Variants in PPP1R26 observed in about 807,000 individuals in gnomAD.
The protein encoded by PPP1R26 is 1A6/DRIM (down-regulated in metastasis) interacting protein.
A neutral mutation model predicts 67.6 loss-of-function variants in PPP1R26; 22 were observed. That is an observed-to-expected ratio of 0.33 (90% CI 0.23 to 0.46). PPP1R26 has a LOEUF of 0.46. Among genes scored for constraint, PPP1R26 ranks in the 20% least tolerant of loss-of-function variants. The probability of loss-of-function intolerance (pLI) is 1.00; values close to 1 mark genes in which losing one functional copy is unlikely to be tolerated. For synonymous variants in PPP1R26, 729 were observed against 717.2 expected, an observed-to-expected ratio of 1.02 and a Z score of -0.26; for missense variants, 1,602 against 1,651.4, an observed-to-expected ratio of 0.97 and a Z score of 0.52.
At position 135,486,843 on chromosome 9, in the gene PPP1R26, A is replaced by G. The variant is rs1166197653; in HGVS notation, c.2333A>G (p.Glu778Gly). The stretch of plus-strand genomic sequence containing the variant: ...CCCAGTGTCTTTGGCAGCACGGCAG[A>G]GAGGATGAGGCAGGAGGGTGCCGCG... ...KPPSVFGSTA[E>G]RMRQEGAASQ... The change falls in exon 4 of 4, where the codon GAG (glutamate) becomes GGG (glycine). Residue 778 changes from glutamate to glycine, a missense_variant. Coordinates refer to ENST00000356818, the MANE Select transcript of PPP1R26 (RefSeq NM_014811.5). The surrounding 1 kb of genome is among the most constrained non-coding windows in gnomAD (Gnocchi z 6.2). The G allele has an allele frequency of 1.2e-6, 2 of 1,611,558 alleles. No individual in the cohort carries two copies. The highest frequency in any genetic ancestry group is 3.3e-5 in the Admixed American group (2 of 59,798).
chr9:135,488,127 T>C lies in PPP1R26; in HGVS notation c.3617T>C (p.Val1206Ala). 1 of 1,521,248 alleles carries C rather than the reference T, an allele frequency of 6.6e-7. No homozygotes were observed. 94.2% of individuals were successfully genotyped at this position (1,521,248 alleles called of 1,614,324 possible). A position where few individuals can be genotyped will look rare whatever the true frequency, so the allele number is the denominator to read the frequency against. Residue 1206 changes from valine (V) to alanine (A), a missense_variant, in exon 4 of 4, where the codon GTA (valine) becomes GCA (alanine). Transcript: ENST00000356818. Reference protein sequence around the residue: ...TSTEDSGGSSVVKV With the variant: ...TSTEDSGGSSAVKV ...ACGGAGGACAGTGGCGGCAGCTCAG[T>C]AGTGAAGGTCTAAGCCCTCGAGCTG...
At chr9:135,481,898 C>T (rs537561180) in intron 1 of PPP1R26, among the ~76,000 whole-genome samples, 16 of 152,296 alleles carry the variant, frequency 1.1e-4, no homozygotes, top group Admixed American at 2.0e-4. Context: ...GGATTACAGG[C>T]GTCAGCCACT....
chr9:135,486,219 G>C lies in PPP1R26; in HGVS notation c.1709G>C (p.Gly570Ala), dbSNP rs1166134858. 6.2e-6 allele frequency: 10 copies of C among 1,612,958 alleles called. No individual in the cohort carries two copies. The highest frequency in any genetic ancestry group is 7.6e-6 in the Non-Finnish European group (9 of 1,180,022). The change falls in exon 4 of 4, where the codon GGC (glycine) becomes GCC (alanine). Residue 570 changes from glycine (G) to alanine (A), a missense_variant. Gly to Ala is a moderately conservative substitution (Grantham distance 60, BLOSUM62 0). Around this residue, in one of 5 missense-constraint regions of PPP1R26, gnomAD observed 680 missense variants for 726.1 expected, o/e 0.94. Transcript: ENST00000356818. The surrounding 1 kb of genome is among the most constrained non-coding windows in gnomAD (Gnocchi z 6.2). ...QAAQGPLLPP[G>A]LNSQTGGHKT... is the part of the protein sequence containing the mutation. ...GCCCAGGGTCCACTTTTGCCGCCTGGCCTCAACAGCCAGACCGGCGGCCAC... is the reference window on the plus strand; with the variant it reads ...GCCCAGGGTCCACTTTTGCCGCCTGCCCTCAACAGCCAGACCGGCGGCCAC...
Position 135,486,077 on chromosome 9 carries a change from G to A in PPP1R26, c.1567G>A (p.Gly523Ser), listed in dbSNP as rs114808642. 315 of 1,613,038 alleles carry A rather than the reference G, an allele frequency of 2.0e-4. No individual in the cohort carries two copies. The African/African-American group carries it at 2.8e-3, about 15-fold the overall frequency. The change falls in exon 4 of 4, where the codon GGC becomes AGC. Residue 523 changes from glycine to serine, a missense_variant. Around this residue, in one of 5 missense-constraint regions of PPP1R26, gnomAD observed 680 missense variants for 726.1 expected, o/e 0.94. Transcript: ENST00000356818. This position sits in a 1 kb window ranked among gnomAD's most constrained non-coding sequence, Gnocchi z 6.2. The part of the protein sequence containing the change: ...YSPNVPSRSD[G>S]DSSSVDSDDS... ...CCCGAACGTGCCTTCCCGCTCTGAC[G>A]GCGACAGTAGCTCCGTGGACAGCGA... is the stretch of plus-strand genomic sequence containing the variant.
chr9:135,483,639 C>T, intron 2 of PPP1R26: 1 of 213,072 alleles, frequency 4.7e-6, no homozygotes. Context: ...ACCTGAGCTT[C>T]CTCCCTGCAG....
At position 135,479,887 on chromosome 9, in the gene PPP1R26, C is replaced by T. The variant is rs940762074; in HGVS notation, c.-464C>T. The T allele has an allele frequency of 5.5e-5, 8 of 144,406 alleles. No individual in the cohort carries two copies. Among genetic ancestry groups the T allele is most frequent in the Non-Finnish European group, 1.2e-4 (8 of 65,076 alleles). The allele number at this position is 144,406 out of a possible 1,614,324, so 8.9% of individuals were successfully genotyped here. Reference sequence around the variant, plus strand: ...GCCCGGCCGGACGCCCCTGCGCCCCCTCCCCGCGCCCCGGCCGAGGGCGGA... The same window carrying T: ...GCCCGGCCGGACGCCCCTGCGCCCCTTCCCCGCGCCCCGGCCGAGGGCGGA... On this transcript the variant is annotated 5_prime_UTR_variant, in exon 1 of 4. Transcript: ENST00000356818. This position sits in a 1 kb window ranked among gnomAD's most constrained non-coding sequence, Gnocchi z 5.9.
chr9:135,488,490 T>C lies in PPP1R26; in HGVS notation c.*350T>C, dbSNP rs1830850304. ...ATCACAGCCAGGTTCACAGAGGCTCTGATGCTTTTTGGTTGATTGCTGGTG... is the reference window on the plus strand; with the variant it reads ...ATCACAGCCAGGTTCACAGAGGCTCCGATGCTTTTTGGTTGATTGCTGGTG... On this transcript the variant is annotated 3_prime_UTR_variant, in exon 4 of 4. Coordinates refer to ENST00000356818, the MANE Select transcript of PPP1R26 (RefSeq NM_014811.5). 1.1e-5 allele frequency: 2 copies of C among 184,982 alleles called. No homozygotes were observed. Among genetic ancestry groups the C allele is most frequent in the African/African-American group, 4.8e-5 (2 of 42,046 alleles). 11.5% of individuals were successfully genotyped at this position (184,982 alleles called of 1,614,324 possible).
chr9:135,486,125 C>A lies in PPP1R26; in HGVS notation c.1615C>A (p.Arg539=). 6.2e-7 allele frequency: 1 copy of A among 1,612,924 alleles called. No homozygotes were observed. The highest frequency in any genetic ancestry group is 1.1e-5 in the South Asian group (1 of 91,068). ...CGATGACAGCATCGAGCAGGAAATC[C>A]GGACATTTTTGGCCCTAAAGGCGCA... The part of the protein sequence containing the change: ...DSDDSIEQEI[R]TFLALKAQSG... The change falls in exon 4 of 4, where the codon CGG becomes AGG. Residue 539 remains arginine, a synonymous_variant. Transcript: ENST00000356818. The surrounding 1 kb of genome is among the most constrained non-coding windows in gnomAD (Gnocchi z 6.2).
At position 135,488,464 on chromosome 9, in the gene PPP1R26, C is replaced by T. The variant is rs1348586053; in HGVS notation, c.*324C>T. On this transcript the variant is annotated 3_prime_UTR_variant, in exon 4 of 4. Coordinates refer to ENST00000356818, the MANE Select transcript of PPP1R26 (RefSeq NM_014811.5). ...AGCTTAGGAAACATTTGGTTCTTACCATCACAGCCAGGTTCACAGAGGCTC... is the reference window on the plus strand; with the variant it reads ...AGCTTAGGAAACATTTGGTTCTTACTATCACAGCCAGGTTCACAGAGGCTC... The T allele has an allele frequency of 4.8e-6, 1 of 209,556 alleles. No individual in the cohort carries two copies. Among genetic ancestry groups the T allele is most frequent in the African/African-American group, 2.3e-5 (1 of 42,798 alleles). The allele number at this position is 209,556 out of a possible 1,614,324, so 13.0% of individuals were successfully genotyped here.
At position 135,487,702 on chromosome 9, in the gene PPP1R26, G is replaced by A; in HGVS notation, c.3192G>A (p.Glu1064=). ...GVGSERDKGS[E]GPARGLPSLP... ...GGAGCGAGAGAGACAAGGGGTCCGA[G>A]GGCCCCGCCCGGGGCCTGCCCAGCC... Residue 1064 remains glutamate, a synonymous_variant, in exon 4 of 4, where the codon GAG becomes GAA. Coordinates refer to ENST00000356818, the MANE Select transcript of PPP1R26 (RefSeq NM_014811.5). 2.8e-6 allele frequency: 4 copies of A among 1,451,874 alleles called. No individual in the cohort carries two copies. The South Asian group carries it at 4.4e-5, about 16-fold the overall frequency. The allele number at this position is 1,451,874 out of a possible 1,614,324, so 89.9% of individuals were successfully genotyped here.
chr9:135,483,919 G>A, intron 2 of PPP1R26, 31 bp from the exon 3 acceptor site: 1 of 398,816 alleles, frequency 2.5e-6, no homozygotes. Flanking sequence ...TAATTTCTGA[G>A]TGGCTCACAT....
At chr9:135,483,645 T>C (rs964624336) in intron 2 of PPP1R26, 13 of 218,154 alleles carry the variant, frequency 6.0e-5, no homozygotes, top group African/African-American at 3.0e-4. Flanking sequence ...GCTTCCTCCC[T>C]GCAGTGGCAA....
intron 1 of PPP1R26, among the ~76,000 whole-genome samples, chr9:135,481,567 C>G (rs575927316): frequency 1.1e-4 from 17 of 151,074 alleles, no homozygotes; most frequent in Non-Finnish European, 2.5e-4. Context: ...AATGATTCAT[C>G]TCGCATAATG....
Position 135,485,862 on chromosome 9 carries a change from A to T in PPP1R26, c.1352A>T (p.Lys451Met). 6.2e-7 allele frequency: 1 copy of T among 1,613,432 alleles called. No homozygotes were observed. The highest frequency in any genetic ancestry group is 8.5e-7 in the Non-Finnish European group (1 of 1,180,022). ...LDTDHAPKLLKETKAPPPASP... is the reference protein window; with the variant it reads ...LDTDHAPKLLMETKAPPPASP... ...ACTGACCATGCCCCCAAGCTCCTGA[A>T]GGAAACCAAAGCTCCACCTCCAGCG... Residue 451 changes from lysine to methionine, a missense_variant, in exon 4 of 4, where the codon AAG becomes ATG. Lys to Met is a moderately conservative substitution (Grantham distance 95). Transcript: ENST00000356818. The surrounding 1 kb of genome is among the most constrained non-coding windows in gnomAD (Gnocchi z 7.2).
chr9:135,479,317 C>G (rs1324479905), upstream of PPP1R26, among the ~76,000 whole-genome samples: 1 of 151,852 alleles, frequency 6.6e-6, no homozygotes, highest in East Asian at 2.0e-4. This position sits in a 1 kb window ranked among gnomAD's most constrained non-coding sequence, Gnocchi z 5.9. Context: ...GCCCGGAGCC[C>G]CGCGTGAACT....
rs527569082 is a variant in PPP1R26 at position 135,482,759 on chromosome 9, G to T, written c.-252G>T. Reference sequence around the variant, plus strand: ...GTGATGAGGACCTGATCTCTGGGCCGTGTGGGAACACTGGCTGCCATTTCA... The same window carrying T: ...GTGATGAGGACCTGATCTCTGGGCCTTGTGGGAACACTGGCTGCCATTTCA... On this transcript the variant is annotated 5_prime_UTR_variant, in exon 2 of 4. Coordinates refer to ENST00000356818, the MANE Select transcript of PPP1R26 (RefSeq NM_014811.5). The T allele has an allele frequency of 5.0e-6, 2 of 398,590 alleles. No homozygotes were observed. Among genetic ancestry groups the T allele is most frequent in the Non-Finnish European group, 8.8e-6 (2 of 226,056 alleles). 24.7% of individuals were successfully genotyped at this position (398,590 alleles called of 1,614,324 possible).
At position 135,485,385 on chromosome 9, in the gene PPP1R26, C is replaced by T. The variant is rs772467513; in HGVS notation, c.875C>T (p.Pro292Leu). 1.9e-6 allele frequency: 3 copies of T among 1,612,904 alleles called. No individual in the cohort carries two copies. In the East Asian group the frequency reaches 6.7e-5, roughly 36 times the overall value. ...CAGAAGGAGTTTGCCTTCCGCAAAC[C>T]TCCCCGGTTAGCGAAGATGAACGTC... ...GVQKEFAFRK[P>L]PRLAKMNVQP... Residue 292 changes from proline (P) to leucine (L), a missense_variant, in exon 4 of 4, where the codon CCT (proline) becomes CTT (leucine). Coordinates refer to ENST00000356818, the MANE Select transcript of PPP1R26 (RefSeq NM_014811.5). This position sits in a 1 kb window ranked among gnomAD's most constrained non-coding sequence, Gnocchi z 7.2.
chr9:135,483,210 T>G (rs1355686105), intron 2 of PPP1R26, among the ~76,000 whole-genome samples: 6 of 152,268 alleles, frequency 3.9e-5, no homozygotes, highest in South Asian at 4.1e-4. Flanking sequence ...CAGGCTGATC[T>G]TGAGCTCCTG....
chr9:135,486,613 A>G lies in PPP1R26; in HGVS notation c.2103A>G (p.Leu701=). Residue 701 remains leucine (L), a synonymous_variant, in exon 4 of 4, where the codon TTA becomes TTG. Transcript: ENST00000356818. The surrounding 1 kb of genome is among the most constrained non-coding windows in gnomAD (Gnocchi z 6.2). ...TGGACACAGCCATCAAGGACTTGTT[A>G]AGGTCCAAGCGAAAGCTCAAGAAGA... ...EDLDTAIKDL[L]RSKRKLKKRC... is the part of the protein sequence containing the mutation. 4 of 1,612,436 alleles carry G rather than the reference A, an allele frequency of 2.5e-6. No homozygotes were observed. The highest frequency in any genetic ancestry group is 3.4e-6 in the Non-Finnish European group (4 of 1,179,986).
Sources: allele counts gnomAD v4.1 joint callset (sites outside exome capture counted in the v4.1 genomes callset), GRCh38; gene constraint gnomAD v4.1.1; regional missense constraint gnomAD v4.1.1; non-coding constraint Gnocchi (gnomAD v3.1); transcripts MANE v1.5; gene names NCBI Gene and HGNC (gene_info 2026-07-23, HGNC 2026-07-21).